The following CCDC141 variants were observed in gnomAD, a reference collection of about 807,000 sequenced individuals.
CCDC141 encodes coiled-coil domain containing 141.
CCDC141 carries 168 observed loss-of-function variants against 181.0 expected under a neutral mutation model. The ratio of observed to expected loss-of-function variants is 0.93; its 90% CI spans 0.82 to 1.05. The LOEUF (loss-of-function observed/expected upper bound fraction) is 1.05. Ranked by LOEUF, CCDC141 falls within the 50% of genes least tolerant of loss-of-function variation. The probability of loss-of-function intolerance (pLI) is 0.00; values close to 1 mark genes in which losing one functional copy is unlikely to be tolerated. For synonymous variants in CCDC141, 666 were observed against 642.3 expected, an observed-to-expected ratio of 1.04 and a Z score of -0.56; for missense variants, 1,902 against 1,788.5, an observed-to-expected ratio of 1.06 and a Z score of -1.14.
intron 22 of CCDC141, among the ~76,000 whole-genome samples, chr2:178,844,024 G>A (rs1318718138): frequency 6.6e-6 from 1 of 152,064 alleles, no homozygotes; most frequent in Non-Finnish European, 1.5e-5. Context: ...TTCCATGAAG[G>A]TAAATCTTGC....
intron 2 of CCDC141, among the ~76,000 whole-genome samples, chr2:178,984,378 C>A (rs1264041163): frequency 6.6e-6 from 1 of 151,712 alleles, no homozygotes; most frequent in Non-Finnish European, 1.5e-5. Context: ...AATGTAACGA[C>A]CATCGAGACT....
rs769775702 is a variant in CCDC141, at chr2:178,853,551, T to C, written c.3134A>G (p.Lys1045Arg). The change falls in exon 20 of 24, where the codon AAG becomes AGG. Residue 1045 changes from lysine to arginine, a missense_variant. Physicochemically the swap from Lys to Arg is conservative, Grantham distance 26. Transcript: ENST00000443758. ...CTGGTGGAGAATTTTCACAGCTTCC[T>C]TTGTCTTGCACTCTGTGGAATATTT... is the stretch of plus-strand genomic sequence containing the variant. ...VGKYSTECKTKEAVKILHQQF... is the reference protein window; with the variant it reads ...VGKYSTECKTREAVKILHQQF... 3.1e-6 allele frequency: 5 copies of C among 1,614,150 alleles called. No individual in the cohort carries two copies. Among genetic ancestry groups the C allele is most frequent in the Non-Finnish European group, 4.2e-6 (5 of 1,179,994 alleles).
At chr2:178,872,379 A>T (rs939855777) in intron 12 of CCDC141, 67 bp from the exon 13 acceptor site, 12 of 1,390,480 alleles carry the variant, frequency 8.6e-6, no homozygotes, top group Non-Finnish European at 1.2e-5. Context: ...GTTGTATATA[A>T]CTATTTTACG....
chr2:178,869,356 CT>C, intron 14 of CCDC141, 51 bp from the exon 15 acceptor site: 1 of 1,327,024 alleles, frequency 7.5e-7, no homozygotes, highest in South Asian at 1.4e-5. Flanking sequence ...AACTTTTTTA[CT>C]TTACAACTGA....
chr2:178,834,415 C>A lies in CCDC141; in HGVS notation c.4351G>T (p.Ala1451Ser). 1 of 1,536,386 alleles carries A rather than the reference C, an allele frequency of 6.5e-7. No individual in the cohort carries two copies. Among genetic ancestry groups the A allele is most frequent in the South Asian group, 1.2e-5 (1 of 84,056 alleles). ...TWYKKGQKLS[A>S]DGHLQVLHKE... ...TGTAAAACCTGTAAGTGCCCATCTG[C>A]AGACAATTTCTGGCCCTTCTTGTAC... The change falls in exon 24 of 24, where the codon GCA becomes TCA. Residue 1451 changes from alanine to serine, a missense_variant. Transcript: ENST00000443758.
At chr2:178,962,288 G>A (rs151326428) in intron 4 of CCDC141, among the ~76,000 whole-genome samples, 1 of 150,894 alleles carries the variant, frequency 6.6e-6, no homozygotes, top group East Asian at 2.0e-4. Context: ...GCACATTGAG[G>A]AGCATCTACA....
At chr2:178,947,249 A>G (rs1209175662) in intron 5 of CCDC141, among the ~76,000 whole-genome samples, 1 of 152,174 alleles carries the variant, frequency 6.6e-6, no homozygotes, top group East Asian at 1.9e-4. Flanking sequence ...ATAAGCTTTT[A>G]AATTATGTCA....
intron 22 of CCDC141, among the ~76,000 whole-genome samples, chr2:178,841,981 A>C (rs1406359413): frequency 6.6e-6 from 1 of 152,218 alleles, no homozygotes; most frequent in Admixed American, 6.5e-5. Flanking sequence ...AGAACTGTCT[A>C]GTTTTCAACT....
intron 6 of CCDC141, among the ~76,000 whole-genome samples, chr2:178,932,069 G>A (rs1025367125): frequency 6.6e-6 from 1 of 152,144 alleles, no homozygotes; most frequent in African/African-American, 2.4e-5. Context: ...TGAGGCAAGA[G>A]AATTGCTTGA....
At chr2:178,990,442 T>C (rs574494782) in intron 2 of CCDC141, among the ~76,000 whole-genome samples, 13 of 151,366 alleles carry the variant, frequency 8.6e-5, no homozygotes, top group African/African-American at 2.9e-4. Flanking sequence ...CAAGTGTCCA[T>C]TTACTGGTGA....
Position 179,015,223 on chromosome 2 carries a change from A to ATATCT in CCDC141, c.225+32060_225+32061insAGATA, listed in dbSNP as rs570070168. ...ATATCATATATATCATATATCTCAT[A>ATATCT]TATACCTCATATATATATCTCATAT... On this transcript the variant is annotated intron_variant, in intron 2 of 23. Transcript: ENST00000443758. Among the ~76,000 whole-genome samples the ATATCT allele has an allele frequency of 1.7e-3, 221 of 127,210 alleles. 4 individuals are homozygous for ATATCT. Among genetic ancestry groups the ATATCT allele is most frequent in the African/African-American group, 6.4e-3 (207 of 32,472 alleles). The allele number at this position is 127,210 out of a possible 152,430, so 83.5% of individuals were successfully genotyped here.
At chr2:178,882,955 G>A (rs983559703) in intron 11 of CCDC141, among the ~76,000 whole-genome samples, 2 of 152,056 alleles carry the variant, frequency 1.3e-5, no homozygotes, top group Admixed American at 6.6e-5. Flanking sequence ...AGTAATGTAC[G>A]GGGAGCATTG....
At position 178,918,808 on chromosome 2, in the gene CCDC141, T is replaced by C; in HGVS notation, c.997A>G (p.Lys333Glu). 1.3e-6 allele frequency: 2 copies of C among 1,550,630 alleles called. No homozygotes were observed. The highest frequency in any genetic ancestry group is 1.7e-4 in the Middle Eastern group (1 of 5,992). The change falls in exon 7 of 24, where the codon AAA becomes GAA. Residue 333 changes from lysine to glutamate, a missense_variant. Coordinates refer to ENST00000443758, the MANE Select transcript of CCDC141 (RefSeq NM_173648.4). Reference protein sequence around the residue: ...EKEHLQLSHQKLSQLQEEFGQ... With the variant: ...EKEHLQLSHQELSQLQEEFGQ... The stretch of plus-strand genomic sequence containing the variant: ...AATTCTTCTTGAAGCTGACTGAGTT[T>C]CTGGTGAGAGAGCTGGAGGTGTTCT...
intron 2 of CCDC141, among the ~76,000 whole-genome samples, chr2:179,024,802 A>G (rs972504814): frequency 2.0e-5 from 3 of 152,092 alleles, no homozygotes; most frequent in Admixed American, 6.5e-5. Context: ...CTCTTTTTCA[A>G]TTCCATTGAT....
chr2:179,044,604 C>CAG (rs2043425556), intron 2 of CCDC141, among the ~76,000 whole-genome samples: 1 of 152,124 alleles, frequency 6.6e-6, no homozygotes, highest in South Asian at 2.1e-4. Context: ...CCACCACTAC[C>CAG]CACAATTTAT....
intron 11 of CCDC141, among the ~76,000 whole-genome samples, chr2:178,879,601 G>T (rs1198788277): frequency 1.3e-5 from 2 of 151,884 alleles, no homozygotes; most frequent in Non-Finnish European, 2.9e-5. Context: ...TATTTTGGGG[G>T]GTACTCAAAA....
the CCDC141 span, among the ~76,000 whole-genome samples, chr2:178,824,063 C>A: frequency 1.2e-4 from 17 of 143,760 alleles, no homozygotes; most frequent in South Asian, 2.1e-4. Flanking sequence ...CAGAGAAAAA[C>A]ACACACACAC....
intron 8 of CCDC141, among the ~76,000 whole-genome samples, chr2:178,894,409 A>G (rs531705341): frequency 6.6e-6 from 1 of 152,296 alleles, no homozygotes; most frequent in African/African-American, 2.4e-5. Context: ...CAAATCCAAG[A>G]TATGTTCAAC....
At chr2:178,827,850 G>A (rs1263781278), downstream of CCDC141, among the ~76,000 whole-genome samples, 4 of 152,144 alleles carry the variant, frequency 2.6e-5, no homozygotes, top group Non-Finnish European at 4.4e-5. Flanking sequence ...TTCTTTCATC[G>A]TTCAGAAGGC....
Sources: allele counts gnomAD v4.1 joint callset (sites outside exome capture counted in the v4.1 genomes callset), GRCh38; gene constraint gnomAD v4.1.1; transcripts MANE v1.5; gene names NCBI Gene and HGNC (gene_info 2026-07-23, HGNC 2026-07-21).